Variants in REDIC1 observed in about 807,000 individuals in gnomAD.
REDIC1 encodes regulator of DNA class I crossover intermediates 1.
At chr12:39,880,195 G>A in the REDIC1 span, among the ~76,000 whole-genome samples, 7,638 of 152,190 alleles carry the variant, frequency 0.05, 262 homozygotes, top group Non-Finnish European at 0.074. Flanking sequence ...AGAACCATAA[G>A]CCAAGTAAAT....
the REDIC1 span, among the ~76,000 whole-genome samples, chr12:39,867,126 G>A: frequency 5.3e-5 from 8 of 152,000 alleles, no homozygotes; most frequent in African/African-American, 1.2e-4. Flanking sequence ...AAAACAAAAC[G>A]AACCATGAGA....
the REDIC1 span, among the ~76,000 whole-genome samples, chr12:39,711,471 A>G: frequency 6.9e-6 from 1 of 144,484 alleles, no homozygotes; most frequent in African/African-American, 2.5e-5. Context: ...ACACATACAT[A>G]TATGTATGTG....
the REDIC1 span, chr12:39,760,363 G>T: frequency 1.1e-6 from 1 of 932,582 alleles, no homozygotes; most frequent in Admixed American, 2.8e-5. Context: ...CATAATCACA[G>T]TATGAAATGG....
the REDIC1 span, among the ~76,000 whole-genome samples, chr12:39,731,539 G>T: frequency 6.6e-6 from 1 of 152,180 alleles, no homozygotes; most frequent in Admixed American, 6.5e-5. Context: ...TCCCAGAGGG[G>T]CACCCGCCAG....
chr12:39,861,297 A>G, the REDIC1 span, among the ~76,000 whole-genome samples: 8 of 152,296 alleles, frequency 5.3e-5, no homozygotes, highest in South Asian at 8.3e-4. Context: ...TGTTTAAGGC[A>G]TTTTCCATAT....
the REDIC1 span, among the ~76,000 whole-genome samples, chr12:39,711,347 ATATG>A: frequency 7.5e-5 from 11 of 147,550 alleles, no homozygotes; most frequent in East Asian, 2.2e-3. Context: ...ATATACATCT[ATATG>A]TATATATACA....
chr12:39,652,316 C>T, the REDIC1 span, among the ~76,000 whole-genome samples: 1 of 152,114 alleles, frequency 6.6e-6, no homozygotes, highest in Non-Finnish European at 1.5e-5. Flanking sequence ...AACTACCGAA[C>T]TATTTTCCAG....
chr12:39,748,600 A>G, the REDIC1 span, among the ~76,000 whole-genome samples: 5 of 152,176 alleles, frequency 3.3e-5, no homozygotes, highest in African/African-American at 1.2e-4. Context: ...CTCCACCCCA[A>G]ATCAACACAA....
At chr12:39,684,713 G>A in the REDIC1 span, among the ~76,000 whole-genome samples, 10 of 152,262 alleles carry the variant, frequency 6.6e-5, no homozygotes, top group South Asian at 1.7e-3. Flanking sequence ...CACATAATAG[G>A]TGGGCTCCTT....
chr12:39,877,628 T>C, the REDIC1 span, among the ~76,000 whole-genome samples: 1 of 152,184 alleles, frequency 6.6e-6, no homozygotes, highest in African/African-American at 2.4e-5. Context: ...ACAAACCTAA[T>C]TTTTAAAAGT....
At chr12:39,839,261 C>T in the REDIC1 span, among the ~76,000 whole-genome samples, 3 of 151,992 alleles carry the variant, frequency 2.0e-5, no homozygotes, top group Non-Finnish European at 4.4e-5. Flanking sequence ...TATATCAGTA[C>T]TGAAAACAAC....
At chr12:39,878,622 A>C in the REDIC1 span, among the ~76,000 whole-genome samples, 1 of 152,202 alleles carries the variant, frequency 6.6e-6, no homozygotes, top group Non-Finnish European at 1.5e-5. Flanking sequence ...GTCTGCTTCT[A>C]ACAGCTTATC....
the REDIC1 span, among the ~76,000 whole-genome samples, chr12:39,742,573 C>T: frequency 6.6e-6 from 1 of 152,100 alleles, no homozygotes; most frequent in African/African-American, 2.4e-5. Flanking sequence ...CCCGTGAAGT[C>T]CTCAGAAAAG....
the REDIC1 span, among the ~76,000 whole-genome samples, chr12:39,806,021 A>G: frequency 2.6e-5 from 4 of 152,240 alleles, no homozygotes; most frequent in Non-Finnish European, 4.4e-5. Context: ...TCTTTCTGAT[A>G]TTGATTGCTA....
chr12:39,681,809 T>G, the REDIC1 span, among the ~76,000 whole-genome samples: 1 of 152,162 alleles, frequency 6.6e-6, no homozygotes, highest in Non-Finnish European at 1.5e-5. Flanking sequence ...ATTTGATAAA[T>G]AATTTAAAAA....
At chr12:39,829,068 G>T in the REDIC1 span, among the ~76,000 whole-genome samples, 1 of 150,916 alleles carries the variant, frequency 6.6e-6, no homozygotes. Flanking sequence ...TCAGTACTAT[G>T]AGTAGACAAG....
chr12:39,733,069 G>GCACA, the REDIC1 span, among the ~76,000 whole-genome samples: 32,441 of 148,242 alleles, frequency 0.22, 3,954 homozygotes, highest in African/African-American at 0.32. Context: ...GCAGAAAAAT[G>GCACA]CACACACACA....
the REDIC1 span, among the ~76,000 whole-genome samples, chr12:39,894,053 C>T: frequency 1.3e-5 from 2 of 152,296 alleles, no homozygotes; most frequent in South Asian, 4.1e-4. Flanking sequence ...GCAGTTAGTA[C>T]ATTAATGTTC....
At chr12:39,739,467 G>C in the REDIC1 span, among the ~76,000 whole-genome samples, 2,246 of 152,202 alleles carry the variant, frequency 0.015, 60 homozygotes, top group African/African-American at 0.051. Flanking sequence ...CTGATCCCTA[G>C]CCTTCAAAAC....
Sources: allele counts gnomAD v4.1 joint callset (sites outside exome capture counted in the v4.1 genomes callset), GRCh38; gene constraint gnomAD v4.1.1; transcripts MANE v1.5; gene names NCBI Gene and HGNC (gene_info 2026-07-23, HGNC 2026-07-21).